Variants in CACNA2D3 observed in about 807,000 individuals in gnomAD.
CACNA2D3 encodes the protein calcium voltage-gated channel auxiliary subunit alpha2delta 3.
CACNA2D3 carries 60 observed loss-of-function variants against 160.6 expected under a neutral mutation model. That is an observed-to-expected ratio of 0.37 (90% CI 0.30 to 0.46). The LOEUF is 0.46. CACNA2D3 is among the 20% of genes least tolerant of loss of function. The probability of loss-of-function intolerance (pLI) is 1.00; values close to 1 mark genes in which losing one functional copy is unlikely to be tolerated. For synonymous variants in CACNA2D3, 558 were observed against 492.9 expected, an observed-to-expected ratio of 1.13 and a Z score of -1.75; for missense variants, 1,205 against 1,365.0, an observed-to-expected ratio of 0.88 and a Z score of 1.85.
chr3:54,693,316 G>A (rs1287276884), intron 11 of CACNA2D3, among the ~76,000 whole-genome samples: 1 of 152,140 alleles, frequency 6.6e-6, no homozygotes, highest in Non-Finnish European at 1.5e-5. Flanking sequence ...TTTTCCATAA[G>A]ATTATAATGA....
In CACNA2D3 at chr3:54,883,267, C is replaced by T. The variant is rs150399542; in HGVS notation, c.1913-2014C>T. On this transcript the variant is annotated intron_variant, in intron 21 of 37. Coordinates refer to ENST00000474759, the MANE Select transcript of CACNA2D3 (RefSeq NM_018398.3). ...TCGAACTCCTGACCTCGTTATCTGC[C>T]TTCCTCGGCCTCCGAAAGTGCTGGG... Among the ~76,000 whole-genome samples the T allele has an allele frequency of 1.8e-3, 278 of 152,288 alleles. 1 individual carries two copies. Among genetic ancestry groups the T allele is most frequent in the Middle Eastern group, 6.8e-3 (2 of 294 alleles).
intron 29 of CACNA2D3, among the ~76,000 whole-genome samples, chr3:54,975,764 G>T (rs1361381415): frequency 6.6e-6 from 1 of 151,050 alleles, no homozygotes; most frequent in African/African-American, 2.5e-5. Flanking sequence ...TGTGGAGATG[G>T]ATAGAAAAAA....
At chr3:54,200,403 C>T (rs1283788002) in intron 2 of CACNA2D3, among the ~76,000 whole-genome samples, 2 of 152,200 alleles carry the variant, frequency 1.3e-5, no homozygotes, top group Non-Finnish European at 2.9e-5. Flanking sequence ...ACAAAATGCT[C>T]TATTAAGTTT....
chr3:54,578,839 G>A (rs1702629883), intron 8 of CACNA2D3, among the ~76,000 whole-genome samples: 1 of 152,204 alleles, frequency 6.6e-6, no homozygotes, highest in African/African-American at 2.4e-5. Flanking sequence ...CCCCTCTGGA[G>A]CCCCCACAAG....
At chr3:54,686,794 A>G (rs560993908) in intron 11 of CACNA2D3, among the ~76,000 whole-genome samples, 3 of 152,280 alleles carry the variant, frequency 2.0e-5, no homozygotes, top group Non-Finnish European at 4.4e-5. Context: ...AAAAACAAGT[A>G]TTATGGAAAA....
intron 2 of CACNA2D3, among the ~76,000 whole-genome samples, chr3:54,265,951 T>C (rs1702508108): frequency 6.6e-6 from 1 of 152,192 alleles, no homozygotes; most frequent in South Asian, 2.1e-4. Context: ...TTAAGACTTA[T>C]AAAGTGCTCA....
At chr3:54,283,559 T>C (rs1702932211) in intron 2 of CACNA2D3, among the ~76,000 whole-genome samples, 1 of 152,214 alleles carries the variant, frequency 6.6e-6, no homozygotes, top group Non-Finnish European at 1.5e-5. Flanking sequence ...TTTAGAGGCT[T>C]ACTCTGTGTT....
At chr3:54,633,247 G>T (rs2106827207) in intron 10 of CACNA2D3, among the ~76,000 whole-genome samples, 1 of 152,272 alleles carries the variant, frequency 6.6e-6, no homozygotes, top group South Asian at 2.1e-4. Flanking sequence ...AGGCCATATT[G>T]TGTGCTCAAT....
chr3:55,044,330 C>T (rs931600083), intron 35 of CACNA2D3, among the ~76,000 whole-genome samples: 2 of 152,050 alleles, frequency 1.3e-5, no homozygotes, highest in Non-Finnish European at 1.5e-5. Flanking sequence ...GTTTTTAAAA[C>T]GTTATACCTA....
intron 11 of CACNA2D3, among the ~76,000 whole-genome samples, chr3:54,654,249 G>T (rs1303508078): frequency 6.6e-6 from 1 of 152,226 alleles, no homozygotes; most frequent in East Asian, 1.9e-4. Context: ...CCCAGAATCT[G>T]TGTTCATAGG....
At chr3:54,628,306 T>A (rs911760808) in intron 10 of CACNA2D3, among the ~76,000 whole-genome samples, 2 of 151,742 alleles carry the variant, frequency 1.3e-5, no homozygotes, top group Non-Finnish European at 2.9e-5. Flanking sequence ...GACGGGAGAG[T>A]GAGACTGGCT....
At chr3:54,925,534 A>G (rs1700989717) in intron 27 of CACNA2D3, among the ~76,000 whole-genome samples, 1 of 152,222 alleles carries the variant, frequency 6.6e-6, no homozygotes, top group Non-Finnish European at 1.5e-5. Context: ...TTTGGGGTGT[A>G]TATGCCGTTT....
chr3:54,432,208 G>C (rs76023669), intron 4 of CACNA2D3, among the ~76,000 whole-genome samples: 23,375 of 152,138 alleles, frequency 0.15, 1,960 homozygotes, highest in Admixed American at 0.25. Context: ...TAAATCATCA[G>C]AATAATAGGA....
chr3:54,764,559 T>G (rs1178322179), intron 13 of CACNA2D3, among the ~76,000 whole-genome samples: 2 of 152,196 alleles, frequency 1.3e-5, no homozygotes, highest in African/African-American at 4.8e-5. Context: ...TTCAGAAAGG[T>G]AGCTGGTCTG....
intron 11 of CACNA2D3, among the ~76,000 whole-genome samples, chr3:54,718,916 G>C (rs983879411): frequency 6.6e-6 from 1 of 151,874 alleles, no homozygotes; most frequent in African/African-American, 2.4e-5. Context: ...AAAAGGCTTT[G>C]CTGCAATTAT....
chr3:54,602,941 C>A (rs185584410), intron 9 of CACNA2D3, among the ~76,000 whole-genome samples: 22 of 152,332 alleles, frequency 1.4e-4, no homozygotes, highest in Admixed American at 1.4e-3. Context: ...GCACCCACCT[C>A]ATAATCTGGG....
intron 11 of CACNA2D3, among the ~76,000 whole-genome samples, chr3:54,751,445 G>A (rs1451715315): frequency 1.3e-5 from 2 of 149,088 alleles, no homozygotes; most frequent in African/African-American, 5.0e-5. Context: ...ATAATCCACT[G>A]TAAGCGTTTT....
In CACNA2D3 at chr3:54,370,757, G is replaced by GT. The variant is rs200265056; in HGVS notation, c.322-15949dup. ...CCATTTAGAGTATATAATTCAGTGG[G>GT]TTTTTTTTTGTATATTCATTCAGCT... On this transcript the variant is annotated intron_variant, in intron 3 of 37. Coordinates refer to ENST00000474759, the MANE Select transcript of CACNA2D3 (RefSeq NM_018398.3). 9.7e-4 allele frequency among the ~76,000 whole-genome samples: 134 copies of GT among 137,638 alleles called. 2 individuals carry two copies. The highest frequency in any genetic ancestry group is 1.9e-3 in the African/African-American group (70 of 37,042). 90.3% of individuals were successfully genotyped at this position (137,638 alleles called of 152,430 possible). A position where few individuals can be genotyped will look rare whatever the true frequency, so the allele number is the denominator to read the frequency against.
chr3:54,152,306 G>A (rs1006869770), intron 2 of CACNA2D3, among the ~76,000 whole-genome samples: 1 of 152,216 alleles, frequency 6.6e-6, no homozygotes, highest in Non-Finnish European at 1.5e-5. Flanking sequence ...TGTGGATTTC[G>A]ATCATTGGGT....
Sources: allele counts gnomAD v4.1 joint callset (sites outside exome capture counted in the v4.1 genomes callset), GRCh38; gene constraint gnomAD v4.1.1; transcripts MANE v1.5; gene names NCBI Gene and HGNC (gene_info 2026-07-23, HGNC 2026-07-21).